Variants in RILPL1 observed in about 807,000 individuals in gnomAD.
RILPL1 encodes Rab interacting lysosomal protein like 1.
In RILPL1, 33 loss-of-function variants were observed where a neutral mutation model predicts 50.3. The observed-to-expected ratio is 0.66, with a 90% CI of 0.50 to 0.88. RILPL1 has a LOEUF of 0.88. RILPL1 is among the 40% of genes least tolerant of loss of function. RILPL1 has a pLI of 0.00. For missense variants in RILPL1, 418 were observed against 542.5 expected (o/e 0.77, Z 2.28); for synonymous variants, 205 against 228.6 (o/e 0.90, Z 0.93).
At position 123,471,680 on chromosome 12, in the gene RILPL1, C is replaced by G. The variant is rs1188364170; in HGVS notation, c.*858G>C. 2 of 152,348 alleles carry G rather than the reference C, an allele frequency of 1.3e-5. No homozygotes were observed. Among genetic ancestry groups the G allele is most frequent in the African/African-American group, 4.8e-5 (2 of 41,430 alleles). 9.4% of individuals were successfully genotyped at this position (152,348 alleles called of 1,614,324 possible). A position where few individuals can be genotyped will look rare whatever the true frequency, so the allele number is the denominator to read the frequency against. ...CTCCCCCACCTGCCCTCCTGCATTG[C>G]CTAGGATCCCACGCCCCGCTTTCAG... On this transcript the variant is annotated 3_prime_UTR_variant, in exon 7 of 7. Transcript: ENST00000376874.
intron 1 of RILPL1, among the ~76,000 whole-genome samples, chr12:123,524,295 A>G: frequency 6.6e-6 from 1 of 152,240 alleles, no homozygotes; most frequent in East Asian, 1.9e-4. Flanking sequence ...ACAAGTGCTG[A>G]CAAGGATAGG....
intron 4 of RILPL1, among the ~76,000 whole-genome samples, chr12:123,488,093 A>G (rs1882457813): frequency 6.6e-6 from 1 of 152,178 alleles, no homozygotes; most frequent in African/African-American, 2.4e-5. Context: ...GCAGTGAAAA[A>G]GCTCCAGAAC....
intron 2 of RILPL1, among the ~76,000 whole-genome samples, chr12:123,515,953 G>C (rs566301227): frequency 2.0e-5 from 3 of 146,836 alleles, no homozygotes; most frequent in South Asian, 4.3e-4. Context: ...AGAATGGCTT[G>C]AACCCAGAAG....
At chr12:123,531,452 C>T (rs941177830) in intron 1 of RILPL1, among the ~76,000 whole-genome samples, 1 of 152,044 alleles carries the variant, frequency 6.6e-6, no homozygotes, top group Non-Finnish European at 1.5e-5. Context: ...GGTCAAAGCC[C>T]CTTGGTCCCT....
intron 2 of RILPL1, among the ~76,000 whole-genome samples, chr12:123,504,215 G>T (rs1022673935): frequency 6.6e-6 from 1 of 152,100 alleles, no homozygotes; most frequent in Non-Finnish European, 1.5e-5. Flanking sequence ...GTGAACAAGG[G>T]GGAAACGTCC....
At chr12:123,510,064 G>A (rs997082389) in intron 2 of RILPL1, among the ~76,000 whole-genome samples, 3 of 152,242 alleles carry the variant, frequency 2.0e-5, no homozygotes, top group Admixed American at 2.0e-4. Flanking sequence ...AGGGCAGGGT[G>A]TCAGCAGGTG....
rs1409970620 is a variant in RILPL1, at chr12:123,470,753, TGGCTTG to T, written c.*1779_*1784del. 3 of 152,154 alleles carry T rather than the reference TGGCTTG, an allele frequency of 2.0e-5. No homozygotes were observed. The highest frequency in any genetic ancestry group is 4.4e-5 in the Non-Finnish European group (3 of 68,044). The allele number at this position is 152,154 out of a possible 1,614,324, so 9.4% of individuals were successfully genotyped here. ...GAGCAGAGATGGTGCCACTATACTT[TGGCTTG>T]GGCAATAGAGCAAGACTATCTCAAA... On this transcript the variant is annotated 3_prime_UTR_variant, in exon 7 of 7. Coordinates refer to ENST00000376874, the MANE Select transcript of RILPL1 (RefSeq NM_178314.5).
At chr12:123,480,158 CTTTTTTTTTTT>C (rs957649286) in intron 6 of RILPL1, among the ~76,000 whole-genome samples, 2 of 117,030 alleles carry the variant, frequency 1.7e-5, no homozygotes, top group Admixed American at 8.8e-5. Flanking sequence ...AAGGCTGATT[CTTTTTTTTTTT>C]TTTTTTTTTT....
At position 123,470,979 on chromosome 12, in the gene RILPL1, A is replaced by G. The variant is rs1881163179; in HGVS notation, c.*1559T>C. 6.6e-6 allele frequency: 1 copy of G among 152,124 alleles called. No individual in the cohort carries two copies. The highest frequency in any genetic ancestry group is 2.1e-4 in the South Asian group (1 of 4,834). The allele number at this position is 152,124 out of a possible 1,614,324, so 9.4% of individuals were successfully genotyped here. A position where few individuals can be genotyped will look rare whatever the true frequency, so the allele number is the denominator to read the frequency against. On this transcript the variant is annotated 3_prime_UTR_variant, in exon 7 of 7. Transcript: ENST00000376874. ...TGAGAAACACTGCTCTAACGCAGCA[A>G]TAATTACCCTGTCTGATCATTTCTT...
intron 4 of RILPL1, among the ~76,000 whole-genome samples, chr12:123,496,599 A>G (rs912734220): frequency 2.0e-4 from 30 of 152,190 alleles, no homozygotes; most frequent in African/African-American, 7.0e-4. Flanking sequence ...CTGAAACAGC[A>G]TCTCCATTGT....
intron 2 of RILPL1, among the ~76,000 whole-genome samples, chr12:123,501,633 G>A (rs1438638882): frequency 2.0e-5 from 3 of 150,180 alleles, no homozygotes; most frequent in East Asian, 2.0e-4. Context: ...GGTGGTGAGC[G>A]CCTGTAGTCC....
chr12:123,506,490 A>G (rs916156532), intron 2 of RILPL1, among the ~76,000 whole-genome samples: 1 of 152,116 alleles, frequency 6.6e-6, no homozygotes, highest in Non-Finnish European at 1.5e-5. Context: ...AGACTTCCAG[A>G]CTTCCAGCAG....
At chr12:123,511,505 G>C (rs1199703402) in intron 2 of RILPL1, among the ~76,000 whole-genome samples, 1 of 120,434 alleles carries the variant, frequency 8.3e-6, no homozygotes, top group Middle Eastern at 6.8e-3. Context: ...GTGTGTATGT[G>C]GTGTGTCTGA....
At chr12:123,475,486 C>CA (rs1881522887) in intron 6 of RILPL1, 3 of 599,758 alleles carry the variant, frequency 5.0e-6, no homozygotes, top group Admixed American at 5.4e-5. Flanking sequence ...TCGAGTAGAC[C>CA]GAGCGCAGCC....
intron 2 of RILPL1, among the ~76,000 whole-genome samples, chr12:123,508,282 T>A (rs1159262839): frequency 6.6e-6 from 1 of 152,116 alleles, no homozygotes; most frequent in African/African-American, 2.4e-5. Flanking sequence ...TAGTTCCAGC[T>A]ACTTGGGAGG....
intron 4 of RILPL1, among the ~76,000 whole-genome samples, chr12:123,490,590 CT>C (rs1007945084): frequency 6.0e-5 from 9 of 149,070 alleles, no homozygotes; most frequent in South Asian, 4.3e-4. Context: ...TCCTTACTCT[CT>C]TTTTTTTTTA....
intron 6 of RILPL1, chr12:123,475,388 C>G: frequency 2.1e-6 from 1 of 465,188 alleles, no homozygotes; most frequent in Non-Finnish European, 4.0e-6. Flanking sequence ...ACCTTCTTTA[C>G]TGGATCATGG....
At chr12:123,506,070 C>T (rs994013034) in intron 2 of RILPL1, among the ~76,000 whole-genome samples, 8 of 152,202 alleles carry the variant, frequency 5.3e-5, no homozygotes, top group Non-Finnish European at 8.8e-5. Flanking sequence ...AGTTGAGTGC[C>T]GTGACGGATG....
In RILPL1 at chr12:123,471,401, T is replaced by G. The variant is rs1165468464; in HGVS notation, c.*1137A>C. The G allele has an allele frequency of 6.6e-6, 1 of 152,184 alleles. No homozygotes were observed. The highest frequency in any genetic ancestry group is 1.5e-5 in the Non-Finnish European group (1 of 68,074). The allele number at this position is 152,184 out of a possible 1,614,324, so 9.4% of individuals were successfully genotyped here. On this transcript the variant is annotated 3_prime_UTR_variant, in exon 7 of 7. Coordinates refer to ENST00000376874, the MANE Select transcript of RILPL1 (RefSeq NM_178314.5). ...CTAATGGTTTCTTAGCAAACTTCAGTAGAATGTTTAGAACGCGGCCCTGAT... is the reference window on the plus strand; with the variant it reads ...CTAATGGTTTCTTAGCAAACTTCAGGAGAATGTTTAGAACGCGGCCCTGAT...
Sources: gnomAD v4.1 joint callset for allele counts (sites outside exome capture counted in the v4.1 genomes callset) on GRCh38, gnomAD v4.1.1 for gene constraint, MANE v1.5 for transcripts, NCBI Gene and HGNC (gene_info 2026-07-23, HGNC 2026-07-21) for gene names.